TMEM165: variants seen among roughly 807,000 people sequenced by gnomAD.
TMEM165 encodes transmembrane protein 165.
A neutral mutation model predicts 30.0 loss-of-function variants in TMEM165; 19 were observed. That is an observed-to-expected ratio of 0.63 (90% confidence interval 0.44 to 0.93). The LOEUF is 0.93. Ranked by LOEUF, TMEM165 falls within the 40% of genes least tolerant of loss-of-function variation. TMEM165 has a pLI of 0.00. For synonymous variants in TMEM165, 168 were observed against 162.9 expected (o/e 1.03, Z -0.24); for missense variants, 340 against 417.0 (o/e 0.82, Z 1.61).
intron 3 of TMEM165, chr4:55,438,597 C>T (rs781720125): frequency 1.2e-5 from 19 of 1,610,108 alleles, no homozygotes; most frequent in Admixed American, 1.7e-5. Flanking sequence ...CATCATAAAA[C>T]GCAGTGGAGT....
chr4:55,446,166 T>A (rs1723833901), intron 3 of TMEM165, among the ~76,000 whole-genome samples: 1 of 150,334 alleles, frequency 6.7e-6, no homozygotes. Context: ...TGATCACAGC[T>A]TATTGCAGCC....
chr4:55,425,310 T>G, intron 5 of TMEM165, 66 bp from the exon 6 acceptor site: 2 of 1,346,124 alleles, frequency 1.5e-6, no homozygotes, highest in African/African-American at 1.5e-5. Context: ...CGGCTCCCTT[T>G]TCATTTTGTA....
intron 1 of TMEM165, among the ~76,000 whole-genome samples, chr4:55,407,045 T>C (rs1473007371): frequency 6.6e-6 from 1 of 152,234 alleles, no homozygotes; most frequent in Non-Finnish European, 1.5e-5. Flanking sequence ...CTTGAGTGTT[T>C]CTGTCTTGAA....
intron 3 of TMEM165, among the ~76,000 whole-genome samples, chr4:55,443,267 G>A (rs918228863): frequency 6.6e-6 from 1 of 152,064 alleles, no homozygotes; most frequent in Non-Finnish European, 1.5e-5. Flanking sequence ...CTGAGGTCAG[G>A]AGTTTGAGAT....
chr4:55,405,606 A>G (rs576347782), intron 1 of TMEM165, among the ~76,000 whole-genome samples: 3 of 152,346 alleles, frequency 2.0e-5, no homozygotes, highest in Admixed American at 6.5e-5. Flanking sequence ...TGCCAACCAG[A>G]AAACCTCACC....
chr4:55,445,477 G>A (rs1436945196), intron 3 of TMEM165, among the ~76,000 whole-genome samples: 1 of 152,000 alleles, frequency 6.6e-6, no homozygotes, highest in Non-Finnish European at 1.5e-5. Context: ...GGGGGAAGAG[G>A]AGGTTAGGAG....
intron 3 of TMEM165, chr4:55,432,107 G>A (rs1429575052): frequency 6.6e-6 from 1 of 152,148 alleles, no homozygotes; most frequent in African/African-American, 2.4e-5. Context: ...TGACAAAGGA[G>A]AGCACAGCAC....
At chr4:55,434,229 C>G (rs1055500562) in intron 3 of TMEM165, 5 of 152,528 alleles carry the variant, frequency 3.3e-5, no homozygotes, top group East Asian at 3.9e-4. Context: ...TTTTTCCCCT[C>G]AAATAACCCT....
Position 55,449,251 on chromosome 4 carries a change from G to C in TMEM165, c.409-2988G>C, listed in dbSNP as rs879110095. 1.0e-5 allele frequency: 7 copies of C among 699,900 alleles called. No homozygotes were observed. In the South Asian group the frequency reaches 1.1e-4, roughly 11 times the overall value. 43.4% of individuals were successfully genotyped at this position (699,900 alleles called of 1,614,324 possible). A position where few individuals can be genotyped will look rare whatever the true frequency, so the allele number is the denominator to read the frequency against. ...ATGACAACCACTTCATACAAGAAAAGGAAGTCTTAAGTAAGTGTCACATAT... is the reference window on the plus strand; with the variant it reads ...ATGACAACCACTTCATACAAGAAAACGAAGTCTTAAGTAAGTGTCACATAT... On this transcript the variant is annotated intron_variant, in intron 3 of 3. Coordinates refer to the TMEM165 transcript ENST00000608091.
At chr4:55,396,998 T>TA (rs1720754020) in intron 1 of TMEM165, 1 of 152,246 alleles carries the variant, frequency 6.6e-6, no homozygotes, top group African/African-American at 2.4e-5. Flanking sequence ...CATTTATAAG[T>TA]AAAACAGAAT....
chr4:55,421,137 A>T (rs1289210609), intron 4 of TMEM165, among the ~76,000 whole-genome samples: 1 of 134,468 alleles, frequency 7.4e-6, no homozygotes, highest in Non-Finnish European at 1.5e-5. Flanking sequence ...ACTGCACTCC[A>T]CTCTGGTCGA....
At chr4:55,412,067 T>C (rs1056467341) in intron 2 of TMEM165, 2 of 586,184 alleles carry the variant, frequency 3.4e-6, no homozygotes, top group South Asian at 4.0e-5. Context: ...TTTAAGGAAT[T>C]GCAAAGATCT....
At chr4:55,443,771 C>T in intron 3 of TMEM165, 1 of 1,614,072 alleles carries the variant, frequency 6.2e-7, no homozygotes, top group Non-Finnish European at 8.5e-7. Context: ...CACTTTGAAT[C>T]TGGTTAGTAG....
intron 1 of TMEM165, among the ~76,000 whole-genome samples, chr4:55,400,010 T>C (rs1720884734): frequency 6.8e-6 from 1 of 146,456 alleles, no homozygotes; most frequent in Non-Finnish European, 1.5e-5. Flanking sequence ...TCTTCTTTTC[T>C]TCCTTTTTTT....
intron 3 of TMEM165, among the ~76,000 whole-genome samples, chr4:55,435,941 A>C (rs1281133434): frequency 6.6e-6 from 1 of 152,196 alleles, no homozygotes; most frequent in African/African-American, 2.4e-5. Context: ...TGACTATATG[A>C]AAAACAAATA....
chr4:55,417,045 A>G (rs760732253), intron 2 of TMEM165, 27 bp from the exon 3 acceptor site: 1 of 1,557,082 alleles, frequency 6.4e-7, no homozygotes, highest in Non-Finnish European at 8.7e-7. Context: ...CACTCGATTA[A>G]CAAACATACT....
chr4:55,417,035 C>T (rs1344849625), intron 2 of TMEM165, 37 bp from the exon 3 acceptor site: 26 of 1,522,160 alleles, frequency 1.7e-5, no homozygotes, highest in Non-Finnish European at 2.2e-5. Context: ...TCGTGATACA[C>T]ACTCGATTAA....
intron 3 of TMEM165, among the ~76,000 whole-genome samples, chr4:55,446,240 T>A (rs1723839132): frequency 6.6e-6 from 1 of 151,600 alleles, no homozygotes; most frequent in Non-Finnish European, 1.5e-5. Context: ...ACTACAGGCA[T>A]ATGCCACCAT....
rs543652100 is a variant in TMEM165, at chr4:55,443,335, CATG to C, written c.409-8903_409-8901del. Among the ~76,000 whole-genome samples, 16 of 152,036 alleles carry C rather than the reference CATG, an allele frequency of 1.1e-4. No homozygotes were observed. The East Asian group carries it at 2.9e-3, about 28-fold the overall frequency. On this transcript the variant is annotated intron_variant, in intron 3 of 3. Coordinates refer to the TMEM165 transcript ENST00000608091. Reference sequence around the variant, plus strand: ...ACTAAAAATATGAAAATCAGCCTGGCATGGTGGTGGGTGCCTATAATCCCAGCT... The same window carrying C: ...ACTAAAAATATGAAAATCAGCCTGGCGTGGTGGGTGCCTATAATCCCAGCT...
Sources: allele counts gnomAD v4.1 joint callset (sites outside exome capture counted in the v4.1 genomes callset), GRCh38; gene constraint gnomAD v4.1.1; transcripts MANE v1.5; gene names NCBI Gene and HGNC (gene_info 2026-07-23, HGNC 2026-07-21).